Variants in NUDC observed in about 807,000 individuals in gnomAD.
NUDC encodes nuclear migration protein nudC.
In NUDC, 14 loss-of-function variants were observed where a neutral mutation model predicts 45.0. The ratio of observed to expected loss-of-function variants is 0.31; its 90% CI spans 0.21 to 0.49. The LOEUF (loss-of-function observed/expected upper bound fraction) is 0.49. Among genes scored for constraint, NUDC ranks in the 20% least tolerant of loss-of-function variants. NUDC has a pLI of 0.99. For missense variants in NUDC, 323 were observed against 426.2 expected, an observed-to-expected ratio of 0.76 and a Z score of 2.13; for synonymous variants, 153 against 156.7, an observed-to-expected ratio of 0.98 and a Z score of 0.17.
intron 8 of NUDC, among the ~76,000 whole-genome samples, 190 bp downstream of exon 8, chr1:26,945,876 C>G (rs1371667900): frequency 6.6e-6 from 1 of 152,102 alleles, no homozygotes; most frequent in Non-Finnish European, 1.5e-5. Context: ...GCAAGGCCGG[C>G]TCATGGTGCA....
intron 2 of NUDC, among the ~76,000 whole-genome samples, chr1:26,933,594 A>G (rs369835124): frequency 1.5e-4 from 22 of 151,606 alleles, no homozygotes; most frequent in Admixed American, 1.2e-3. Flanking sequence ...TTGTATTTCT[A>G]TTAGAGACGG....
At chr1:26,903,036 A>G (rs2081987252) in intron 2 of NUDC, among the ~76,000 whole-genome samples, 1 of 151,398 alleles carries the variant, frequency 6.6e-6, no homozygotes, top group South Asian at 2.1e-4. Flanking sequence ...TGGGCAACAG[A>G]GCGAGACTCT....
intron 2 of NUDC, among the ~76,000 whole-genome samples, chr1:26,906,715 G>T (rs2082004523): frequency 6.6e-6 from 1 of 152,056 alleles, no homozygotes; most frequent in Non-Finnish European, 1.5e-5. Context: ...CGGGCGTGGT[G>T]GCGGGCGCCT....
intron 3 of NUDC, chr1:26,913,571 C>G: frequency 6.2e-7 from 1 of 1,614,114 alleles, no homozygotes; most frequent in Non-Finnish European, 8.5e-7. Context: ...CTGGGCTCCT[C>G]CAGCAGAATC....
intron 2 of NUDC, among the ~76,000 whole-genome samples, chr1:26,933,820 C>A (rs890870844): frequency 6.6e-6 from 1 of 152,164 alleles, no homozygotes; most frequent in Non-Finnish European, 1.5e-5. Flanking sequence ...TGTTCTCATG[C>A]TGCTATGAAG....
intron 8 of NUDC, among the ~76,000 whole-genome samples, chr1:26,945,928 A>G (rs2082314445): frequency 6.6e-6 from 1 of 152,170 alleles, no homozygotes; most frequent in African/African-American, 2.4e-5. Context: ...TGCCACCTAC[A>G]GGAAAACAAT....
At chr1:26,913,321 T>C (rs1057324003) in intron 3 of NUDC, 3 of 1,164,738 alleles carry the variant, frequency 2.6e-6, no homozygotes, top group Non-Finnish European at 3.9e-6. Context: ...CCCAATGAGA[T>C]AACAGATATC....
rs745510222 is a variant in NUDC at position 26,922,261 on chromosome 1, T to C, written c.81+332T>C. ...CCCTTAGTAAGAACCGTCGCAAATA[T>C]CGTGATTTGGATCCACCAAGGCTTG... On this transcript the variant is annotated intron_variant, in intron 1 of 8. Transcript: ENST00000321265. The C allele has an allele frequency of 1.1e-4, 45 of 423,670 alleles. 1 individual carries two copies. The highest frequency in any genetic ancestry group is 1.8e-4 in the South Asian group (8 of 44,840). The allele number at this position is 423,670 out of a possible 1,614,324, so 26.2% of individuals were successfully genotyped here. A position where few individuals can be genotyped will look rare whatever the true frequency, so the allele number is the denominator to read the frequency against.
At chr1:26,905,869 G>A (rs1224638040) in intron 2 of NUDC, among the ~76,000 whole-genome samples, 1 of 152,234 alleles carries the variant, frequency 6.6e-6, no homozygotes, top group East Asian at 1.9e-4. Flanking sequence ...GATGGAGGCC[G>A]GGCATAGTGG....
chr1:26,917,899 A>G (rs985068161), upstream of NUDC, among the ~76,000 whole-genome samples: 1 of 151,492 alleles, frequency 6.6e-6, no homozygotes, highest in Non-Finnish European at 1.5e-5. Flanking sequence ...AAAAAAAAAA[A>G]AGAAGAAGAA....
chr1:26,918,342 C>T (rs1299534165), upstream of NUDC, among the ~76,000 whole-genome samples: 7 of 149,010 alleles, frequency 4.7e-5, no homozygotes, highest in Non-Finnish European at 8.9e-5. Context: ...GGCCCAATCT[C>T]GGCTCACTGC....
At chr1:26,936,479 C>G (rs369203207) in intron 2 of NUDC, among the ~76,000 whole-genome samples, 2 of 151,436 alleles carry the variant, frequency 1.3e-5, no homozygotes, top group South Asian at 2.1e-4. Context: ...TGTGAGCCAC[C>G]GAGCCCAGCC....
chr1:26,919,091 T>TC (rs1183474902), upstream of NUDC, among the ~76,000 whole-genome samples: 1 of 151,778 alleles, frequency 6.6e-6, no homozygotes, highest in Non-Finnish European at 1.5e-5. Flanking sequence ...TTTTTTTTTT[T>TC]TCCTTTGTTT....
chr1:26,942,617 T>G, intron 4 of NUDC, 43 bp from the exon 5 acceptor site: 1 of 1,612,976 alleles, frequency 6.2e-7, no homozygotes, highest in Non-Finnish European at 8.5e-7. Flanking sequence ...AATCTGTGTC[T>G]TGTCTGTCAA....
intron 2 of NUDC, among the ~76,000 whole-genome samples, chr1:26,924,504 TC>T (rs1202822036): frequency 2.5e-4 from 38 of 152,320 alleles, no homozygotes; most frequent in African/African-American, 8.4e-4. Context: ...AAACCTGTCC[TC>T]TGCCCCGACA....
intron 2 of NUDC, among the ~76,000 whole-genome samples, chr1:26,931,058 C>G (rs1275432573): frequency 6.6e-6 from 1 of 151,882 alleles, no homozygotes; most frequent in Admixed American, 6.6e-5. Context: ...AATTTACCTT[C>G]TTAACCTTTG....
At chr1:26,929,085 G>A (rs1218481256) in intron 2 of NUDC, among the ~76,000 whole-genome samples, 1 of 152,140 alleles carries the variant, frequency 6.6e-6, no homozygotes, top group Admixed American at 6.6e-5. Context: ...TGCCTTAAAA[G>A]GGAAAGAAAT....
At chr1:26,919,442 T>C (rs1204857893), upstream of NUDC, among the ~76,000 whole-genome samples, 2 of 152,360 alleles carry the variant, frequency 1.3e-5, no homozygotes, top group Admixed American at 6.5e-5. Context: ...ATTACAGGCA[T>C]GAGCCTCCGC....
chr1:26,901,670 G>A (rs564194329), intron 1 of NUDC, among the ~76,000 whole-genome samples: 1 of 152,222 alleles, frequency 6.6e-6, no homozygotes, highest in African/African-American at 2.4e-5. Flanking sequence ...CTCCCAAAGT[G>A]CTGAGATTAC....
Sources: allele counts gnomAD v4.1 joint callset (sites outside exome capture counted in the v4.1 genomes callset), GRCh38; gene constraint gnomAD v4.1.1; transcripts MANE v1.5; gene names NCBI Gene and HGNC (gene_info 2026-07-23, HGNC 2026-07-21).